Variants in ANO10 observed in about 807,000 individuals in gnomAD.
ANO10 encodes the protein anoctamin 10, also known as anoctamin-10.
ANO10 carries 77 observed loss-of-function variants against 74.7 expected under a neutral mutation model. The ratio of observed to expected loss-of-function variants is 1.03; its 90% confidence interval spans 0.86 to 1.25. ANO10 has a LOEUF of 1.25. Ranked by LOEUF, ANO10 falls within the 50% of genes most tolerant of loss-of-function variation. ANO10 has a pLI of 0.00. For synonymous variants in ANO10, 279 were observed against 284.9 expected (o/e 0.98, Z 0.21); for missense variants, 721 against 778.1 (o/e 0.93, Z 0.87).
Position 43,565,746 on chromosome 3 carries a change from A to C in ANO10, c.1219-19T>G. On this transcript the variant is annotated intron_variant, in intron 7 of 12. Coordinates refer to ENST00000292246, the MANE Select transcript of ANO10 (RefSeq NM_018075.5). ...AGTTGAACTGCCAAAAAAAAAAAAA[A>C]AAAAGATAAGTGTTAAGCACTGCTT... The C allele has an allele frequency of 6.4e-7, 1 of 1,552,682 alleles. No individual in the cohort carries two copies. Among genetic ancestry groups the C allele is most frequent in the Non-Finnish European group, 8.7e-7 (1 of 1,147,492 alleles).
intron 8 of ANO10, among the ~76,000 whole-genome samples, chr3:43,563,320 G>A (rs1054161774): frequency 1.3e-5 from 2 of 151,524 alleles, no homozygotes; most frequent in African/African-American, 4.8e-5. Context: ...AAAAAATCCA[G>A]ATGCTGACAA....
upstream of ANO10, among the ~76,000 whole-genome samples, chr3:43,622,545 A>G (rs1318284554): frequency 3.3e-5 from 5 of 152,192 alleles, no homozygotes; most frequent in African/African-American, 1.2e-4. Flanking sequence ...TCAAGTTGTG[A>G]AAAACGCAGA....
At chr3:43,415,863 G>A (rs929142055) in intron 12 of ANO10, among the ~76,000 whole-genome samples, 3 of 152,040 alleles carry the variant, frequency 2.0e-5, no homozygotes, top group East Asian at 3.9e-4. Flanking sequence ...ATTCTTTAGC[G>A]AGTTTCCCTG....
chr3:43,574,914 A>G lies in ANO10; in HGVS notation c.1163-50T>C, dbSNP rs2080924874. 4 of 1,504,004 alleles carry G rather than the reference A, an allele frequency of 2.7e-6. No individual in the cohort carries two copies. The East Asian group carries it at 6.8e-5, about 25-fold the overall frequency. The allele number at this position is 1,504,004 out of a possible 1,614,324, so 93.2% of individuals were successfully genotyped here. A position where few individuals can be genotyped will look rare whatever the true frequency, so the allele number is the denominator to read the frequency against. ...ACTTCTCAGTAAGAAAACAATACGA[A>G]AGCACTGTTATGAGGTAAAGTGAGT... On this transcript the variant is annotated intron_variant, in intron 6 of 12. Transcript: ENST00000292246.
At chr3:43,568,981 C>A (rs2080536123) in intron 7 of ANO10, among the ~76,000 whole-genome samples, 2 of 135,490 alleles carry the variant, frequency 1.5e-5, no homozygotes, top group Non-Finnish European at 3.2e-5. Flanking sequence ...CAAATAGACG[C>A]AATAAAAAAT....
At chr3:43,497,745 T>C (rs2076965918) in intron 11 of ANO10, among the ~76,000 whole-genome samples, 2 of 152,090 alleles carry the variant, frequency 1.3e-5, no homozygotes, top group Admixed American at 1.3e-4. Flanking sequence ...GGAAGCAGCA[T>C]GGAGGGGGAT....
At chr3:43,669,252 GAAC>G (rs1445486991) in intron 1 of ANO10, among the ~76,000 whole-genome samples, 11 of 152,236 alleles carry the variant, frequency 7.2e-5, no homozygotes, top group African/African-American at 2.4e-4. Flanking sequence ...TTATTAAAAG[GAAC>G]AGAATCCTCC....
intron 1 of ANO10, among the ~76,000 whole-genome samples, chr3:43,662,255 C>T (rs1403746527): frequency 6.6e-6 from 1 of 152,224 alleles, no homozygotes; most frequent in East Asian, 1.9e-4. Context: ...AAGAATCTCA[C>T]TCAAAACTGT....
intron 1 of ANO10, among the ~76,000 whole-genome samples, chr3:43,628,049 C>A (rs1287147173): frequency 6.6e-6 from 1 of 151,996 alleles, no homozygotes; most frequent in East Asian, 1.9e-4. Flanking sequence ...GTAGTTGGTT[C>A]TTTTAGGATT....
chr3:43,462,482 C>T (rs190362173), intron 11 of ANO10, among the ~76,000 whole-genome samples: 80 of 152,264 alleles, frequency 5.3e-4, no homozygotes, highest in African/African-American at 1.8e-3. Flanking sequence ...CCACCCACCT[C>T]GGCCTCCCAA....
At chr3:43,681,805 T>A (rs1223283583) in intron 1 of ANO10, among the ~76,000 whole-genome samples, 2 of 152,218 alleles carry the variant, frequency 1.3e-5, no homozygotes, top group Non-Finnish European at 2.9e-5. Flanking sequence ...ACGTGGAAAC[T>A]GAACAACCTG....
At position 43,405,609 on chromosome 3, in the gene ANO10, G is replaced by A. The variant is rs1444707069; in HGVS notation, c.1914+27002C>T. On this transcript the variant is annotated intron_variant, in intron 12 of 12. Coordinates refer to ENST00000292246, the MANE Select transcript of ANO10 (RefSeq NM_018075.5). ...CAAGCGATCCTCCCACCTCAGCTGA[G>A]ACTAAAGGAGTGCACTATCACGCCC... 3.3e-5 allele frequency among the ~76,000 whole-genome samples: 5 copies of A among 152,004 alleles called. No homozygotes were observed. In the East Asian group the frequency reaches 7.7e-4, roughly 23 times the overall value.
At chr3:43,594,333 TA>T (rs967996134) in intron 4 of ANO10, among the ~76,000 whole-genome samples, 3 of 152,202 alleles carry the variant, frequency 2.0e-5, no homozygotes, top group South Asian at 2.1e-4. Flanking sequence ...ACATCACACT[TA>T]TTCCAAAATT....
At chr3:43,487,540 T>A (rs1301195890) in intron 11 of ANO10, among the ~76,000 whole-genome samples, 2 of 152,074 alleles carry the variant, frequency 1.3e-5, no homozygotes, top group Non-Finnish European at 2.9e-5. Flanking sequence ...TGGGAGAGTG[T>A]ATGTGTCGAG....
intron 11 of ANO10, among the ~76,000 whole-genome samples, chr3:43,489,170 T>G (rs2076619921): frequency 1.2e-5 from 1 of 85,782 alleles, no homozygotes. Context: ...GGGACTGTTG[T>G]GGGGTGGGGG....
chr3:43,439,707 C>G (rs2093130293), intron 11 of ANO10, among the ~76,000 whole-genome samples: 1 of 151,974 alleles, frequency 6.6e-6, no homozygotes, highest in Non-Finnish European at 1.5e-5. Flanking sequence ...TGGTAAAACC[C>G]TGTCTCACAA....
intron 11 of ANO10, among the ~76,000 whole-genome samples, chr3:43,526,372 T>C (rs576775394): frequency 1.3e-5 from 2 of 152,184 alleles, no homozygotes; most frequent in Non-Finnish European, 2.9e-5. Flanking sequence ...AGGGCCTCTG[T>C]GGAGTCTTGT....
chr3:43,369,618 C>A (rs1257932791), intron 12 of ANO10, among the ~76,000 whole-genome samples: 1 of 152,192 alleles, frequency 6.6e-6, no homozygotes, highest in African/African-American at 2.4e-5. Context: ...GCTCCCAGGG[C>A]CTCCACAGGG....
intron 11 of ANO10, among the ~76,000 whole-genome samples, chr3:43,526,363 G>C (rs1447324208): frequency 6.6e-6 from 1 of 152,180 alleles, no homozygotes; most frequent in Non-Finnish European, 1.5e-5. Flanking sequence ...ACTAGAAACA[G>C]GGCCTCTGTG....
Sources: gnomAD v4.1 joint callset for allele counts (sites outside exome capture counted in the v4.1 genomes callset) on GRCh38, gnomAD v4.1.1 for gene constraint, MANE v1.5 for transcripts, NCBI Gene and HGNC (gene_info 2026-07-23, HGNC 2026-07-21) for gene names.